KCNT1: variants seen among roughly 807,000 people sequenced by gnomAD.
KCNT1 encodes potassium channel subfamily T member 1.
A neutral mutation model predicts 147.8 loss-of-function variants in KCNT1; 78 were observed. The ratio of observed to expected loss-of-function variants is 0.53; its 90% CI spans 0.44 to 0.64. The LOEUF (loss-of-function observed/expected upper bound fraction) is 0.64, where lower values mean the gene tolerates loss of function less well. Among genes scored for constraint, KCNT1 ranks in the 30% least tolerant of loss-of-function variants. The probability of loss-of-function intolerance (pLI) is 0.00; values close to 1 mark genes in which losing one functional copy is unlikely to be tolerated. For missense variants in KCNT1, 1,419 were observed against 1,750.3 expected (o/e 0.81, Z 3.38); for synonymous variants, 867 against 748.8 (o/e 1.16, Z -2.58).
intron 1 of KCNT1, among the ~76,000 whole-genome samples, chr9:135,703,786 G>A (rs1386007696): frequency 1.3e-5 from 2 of 152,220 alleles, no homozygotes; most frequent in African/African-American, 4.8e-5. Flanking sequence ...CGGCAGGACA[G>A]TGTCCTCAGG....
rs576446992 is a variant in KCNT1 at position 135,768,870 on chromosome 9, C to T, written c.1443C>T (p.Phe481=). The T allele has an allele frequency of 2.7e-5, 43 of 1,613,402 alleles. No homozygotes were observed. The Middle Eastern group carries it at 5.0e-4, about 19-fold the overall frequency. Residue 481 remains phenylalanine, a synonymous_variant, in exon 15 of 31, where the codon TTC becomes TTT. Transcript: ENST00000371757. Reference sequence around the variant, plus strand: ...TGCGCGCCTGGGCCGTGAAGGACTTCGCCCCCAACTGCCCCCTCTACGTCC... The same window carrying T: ...TGCGCGCCTGGGCCGTGAAGGACTTTGCCCCCAACTGCCCCCTCTACGTCC... The part of the protein sequence containing the change: ...TILRAWAVKD[F]APNCPLYVQI...
rs878953565 is a variant in KCNT1 at position 135,750,024 on chromosome 9, T to C, written c.255-74T>C. ...GGAAAGTTGGAAGAAGTCAGTCAGGTTGGGGCTCCCGGCGTGTCCCCAGCC... is the reference window on the plus strand; with the variant it reads ...GGAAAGTTGGAAGAAGTCAGTCAGGCTGGGGCTCCCGGCGTGTCCCCAGCC... On this transcript the variant is annotated intron_variant, in intron 2 of 30. Transcript: ENST00000371757. 35 of 1,214,720 alleles carry C rather than the reference T, an allele frequency of 2.9e-5. No individual in the cohort carries two copies. In the South Asian group the frequency reaches 4.2e-4, roughly 15 times the overall value. 75.2% of individuals were successfully genotyped at this position (1,214,720 alleles called of 1,614,324 possible). A position where few individuals can be genotyped will look rare whatever the true frequency, so the allele number is the denominator to read the frequency against.
At position 135,777,863 on chromosome 9, in the gene KCNT1, CCTCCCCACTCCCAGCTT is replaced by C. The variant is rs1181831839; in HGVS notation, c.2522+368_2522+384del. On this transcript the variant is annotated intron_variant, in intron 21 of 30. Transcript: ENST00000371757. Reference sequence around the variant, plus strand: ...TCCCAGCTACTCTCCATTCCCAGCTCCTCCCCACTCCCAGCTTCTCCCCACTCCCAGTTCCCCCTCAC... The same window carrying C: ...TCCCAGCTACTCTCCATTCCCAGCTCCTCCCCACTCCCAGTTCCCCCTCAC... 2.6e-5 allele frequency among the ~76,000 whole-genome samples: 4 copies of C among 151,466 alleles called. No homozygotes were observed. In the East Asian group the frequency reaches 5.8e-4, roughly 22 times the overall value.
chr9:135,748,764 T>A (rs1476450301), intron 2 of KCNT1, among the ~76,000 whole-genome samples: 1 of 152,244 alleles, frequency 6.6e-6, no homozygotes, highest in East Asian at 1.9e-4. Context: ...GCCCTCGCGC[T>A]GCACTGGGCA....
intron 2 of KCNT1, among the ~76,000 whole-genome samples, chr9:135,741,119 G>A (rs748284380): frequency 2.6e-5 from 4 of 152,206 alleles, no homozygotes; most frequent in Non-Finnish European, 4.4e-5. Context: ...CAGTGGGGAC[G>A]GCTGTCCTGG....
Position 135,759,825 on chromosome 9 carries a change from T to C in KCNT1, c.1001T>C (p.Met334Thr). The C allele has an allele frequency of 6.2e-7, 1 of 1,612,108 alleles. No homozygotes were observed. The highest frequency in any genetic ancestry group is 2.2e-5 in the East Asian group (1 of 44,866). ...IWPSQLLVVI[M>T]ICVALVVLPL... ...CCATCGCAGCTGCTGGTGGTCATCA[T>C]GATCTGCGTGGCCCTCGTGGTGCTC... is the stretch of plus-strand genomic sequence containing the variant. Residue 334 changes from methionine to threonine, a missense_variant, in exon 11 of 31, where the codon ATG (methionine) becomes ACG (threonine). Around this residue, in one of 5 missense-constraint regions of KCNT1, gnomAD observed 401 missense variants for 610.6 expected, o/e 0.66. Coordinates refer to ENST00000371757, the MANE Select transcript of KCNT1 (RefSeq NM_020822.3).
intron 13 of KCNT1, among the ~76,000 whole-genome samples, chr9:135,767,859 C>T (rs1002873737): frequency 6.6e-6 from 1 of 152,152 alleles, no homozygotes; most frequent in Middle Eastern, 3.4e-3. Context: ...GAAGGGCAGG[C>T]ACTGCCCTAG....
Position 135,714,529 on chromosome 9 carries a change from C to A in KCNT1, c.111-48C>A. On this transcript the variant is annotated intron_variant, in intron 1 of 30. Coordinates refer to ENST00000371757, the MANE Select transcript of KCNT1 (RefSeq NM_020822.3). The surrounding 1 kb of genome is among the most constrained non-coding windows in gnomAD (Gnocchi z 6.2). The stretch of plus-strand genomic sequence containing the variant: ...TGGCGGGCCGGGGGCTGCGCGCGTC[C>A]GCGAGGGCGCCCGACGCGGGCTGAG... 9.9e-7 allele frequency: 1 copy of A among 1,013,562 alleles called. No homozygotes were observed. Among genetic ancestry groups the A allele is most frequent in the Non-Finnish European group, 1.2e-6 (1 of 849,088 alleles). 62.8% of individuals were successfully genotyped at this position (1,013,562 alleles called of 1,614,324 possible). A position where few individuals can be genotyped will look rare whatever the true frequency, so the allele number is the denominator to read the frequency against.
chr9:135,779,271 ACCCCCACAGCCACATGATCATGGG>A, intron 23 of KCNT1, 64 bp from the exon 24 acceptor site: 1 of 445,900 alleles, frequency 2.2e-6, no homozygotes. Context: ...CCGCCCTGAG[ACCCCCACAGCCACATGATCATGGG>A]CCCCCACCCT....
At chr9:135,782,010 T>C (rs1833645561) in intron 24 of KCNT1, among the ~76,000 whole-genome samples, 1 of 152,176 alleles carries the variant, frequency 6.6e-6, no homozygotes, top group African/African-American at 2.4e-5. Flanking sequence ...GGTCAGGAGT[T>C]CGAGACCAGG....
At chr9:135,742,713 C>A in intron 2 of KCNT1, 1 of 716,938 alleles carries the variant, frequency 1.4e-6, no homozygotes, top group Non-Finnish European at 2.6e-6. Flanking sequence ...CTGTCTGCTG[C>A]CTTCTCCATC....
At chr9:135,702,560 G>A (rs1835075164) in intron 1 of KCNT1, among the ~76,000 whole-genome samples, 192 bp downstream of exon 1, 2 of 152,162 alleles carry the variant, frequency 1.3e-5, no homozygotes. Flanking sequence ...GCACTAATCA[G>A]CAGGTGCCGA....
chr9:135,786,151 CGG>C (rs1834027596), intron 28 of KCNT1, 44 bp from the exon 29 acceptor site: 2 of 1,549,836 alleles, frequency 1.3e-6, no homozygotes, highest in South Asian at 2.3e-5. Flanking sequence ...GCGACCCTCC[CGG>C]CAGCCTCACC....
At chr9:135,749,853 C>T (rs2131406977) in intron 2 of KCNT1, among the ~76,000 whole-genome samples, 1 of 152,190 alleles carries the variant, frequency 6.6e-6, no homozygotes, top group African/African-American at 2.4e-5. Flanking sequence ...CTCACAGCAG[C>T]GAGTGCCCAG....
chr9:135,716,126 G>A (rs1198789973), intron 2 of KCNT1, among the ~76,000 whole-genome samples: 7 of 152,140 alleles, frequency 4.6e-5, no homozygotes, highest in African/African-American at 7.2e-5. Flanking sequence ...CCGAATCCGT[G>A]GACTCAACAT....
intron 29 of KCNT1, chr9:135,788,159 C>T (rs1238157365): frequency 6.2e-7 from 1 of 1,612,330 alleles, no homozygotes; most frequent in Admixed American, 1.7e-5. Context: ...GGGATATTTG[C>T]AAGGTAATTC....
At chr9:135,737,509 GT>G (rs1311974821) in intron 2 of KCNT1, among the ~76,000 whole-genome samples, 1 of 152,240 alleles carries the variant, frequency 6.6e-6, no homozygotes, top group Non-Finnish European at 1.5e-5. Flanking sequence ...CTGGCCTGGT[GT>G]GGGCACATGT....
chr9:135,717,640 G>A (rs1236042245), intron 2 of KCNT1, among the ~76,000 whole-genome samples: 1 of 152,198 alleles, frequency 6.6e-6, no homozygotes, highest in Non-Finnish European at 1.5e-5. Flanking sequence ...CGGCACAGCT[G>A]AACCCGCTCC....
At chr9:135,736,947 G>A in intron 2 of KCNT1, 1 of 299,734 alleles carries the variant, frequency 3.3e-6, no homozygotes, top group Non-Finnish European at 6.2e-6. Context: ...TTCCTGCCGT[G>A]TCTCCAGCCT....
Sources: allele counts gnomAD v4.1 joint callset (sites outside exome capture counted in the v4.1 genomes callset), GRCh38; gene constraint gnomAD v4.1.1; regional missense constraint gnomAD v4.1.1; non-coding constraint Gnocchi (gnomAD v3.1); transcripts MANE v1.5; gene names NCBI Gene and HGNC (gene_info 2026-07-23, HGNC 2026-07-21).